The following NCR1 variants were observed in gnomAD, a reference collection of about 807,000 sequenced individuals.
NCR1 encodes natural cytotoxicity triggering receptor 1, also known as NK cell-activating receptor.
Under a neutral mutation model 32.5 loss-of-function variants are expected in NCR1, and 30 were observed. The observed-to-expected ratio is 0.92, with a 90% CI of 0.69 to 1.25. NCR1 has a LOEUF of 1.25. NCR1 is among the 50% of genes most tolerant of loss of function. NCR1 has a pLI of 0.00. For synonymous variants in NCR1, 169 were observed against 143.4 expected (o/e 1.18, Z -1.28); for missense variants, 369 against 380.7 (o/e 0.97, Z 0.26).
chr19:54,919,648 G>C (rs1398377739), downstream of NCR1, among the ~76,000 whole-genome samples: 3 of 151,464 alleles, frequency 2.0e-5, no homozygotes, highest in African/African-American at 4.8e-5. Flanking sequence ...GAGCCTGACT[G>C]ATGTCAGGCC....
At chr19:54,901,475 A>AG (rs2067301451), upstream of NCR1, among the ~76,000 whole-genome samples, 1 of 151,494 alleles carries the variant, frequency 6.6e-6, no homozygotes, top group African/African-American at 2.4e-5. Context: ...GAGTCTGTAG[A>AG]GGGGGGACAG....
At chr19:54,917,814 C>T (rs1171960631), downstream of NCR1, among the ~76,000 whole-genome samples, 2 of 152,168 alleles carry the variant, frequency 1.3e-5, no homozygotes, top group Non-Finnish European at 2.9e-5. Flanking sequence ...GGCAGCAGCA[C>T]CAAGGCTGAG....
At chr19:54,899,148 G>A in the NCR1 span, among the ~76,000 whole-genome samples, 2 of 152,086 alleles carry the variant, frequency 1.3e-5, no homozygotes, top group Non-Finnish European at 2.9e-5. Context: ...TGGATGTCAG[G>A]CACCTCAGAC....
chr19:54,926,137 C>T, the NCR1 span, among the ~76,000 whole-genome samples: 4 of 151,912 alleles, frequency 2.6e-5, no homozygotes, highest in South Asian at 4.2e-4. Flanking sequence ...ATCTGTAGGA[C>T]GATCTTCTGA....
At chr19:54,903,350 GCATATATACATA>G (rs1423953529), upstream of NCR1, among the ~76,000 whole-genome samples, 1 of 108,264 alleles carries the variant, frequency 9.2e-6, no homozygotes, top group Non-Finnish European at 1.8e-5. Flanking sequence ...ATACATATAT[GCATATATACATA>G]CATGTATATA....
chr19:54,906,242 G>A, intron 1 of NCR1, 21 bp downstream of exon 1: 3 of 1,614,200 alleles, frequency 1.9e-6, no homozygotes, highest in Non-Finnish European at 2.5e-6. Context: ...GCGTGGAAGG[G>A]GAATGGGATC....
chr19:54,909,567 T>G, intron 4 of NCR1, 44 bp downstream of exon 4: 1 of 1,568,052 alleles, frequency 6.4e-7, no homozygotes. Flanking sequence ...CGCCATGTGC[T>G]ACCTGGAGCC....
chr19:54,902,868 G>A (rs1487113954), upstream of NCR1, among the ~76,000 whole-genome samples: 5 of 151,844 alleles, frequency 3.3e-5, no homozygotes, highest in Admixed American at 6.6e-5. Context: ...GGTGGCTCAC[G>A]CCTGTAATCC....
intron 5 of NCR1, among the ~76,000 whole-genome samples, chr19:54,910,629 A>G (rs2067923529): frequency 6.6e-6 from 1 of 152,156 alleles, no homozygotes; most frequent in South Asian, 2.1e-4. Flanking sequence ...CATAGTATAC[A>G]CAGTGAACTA....
chr19:54,906,901 G>C, intron 3 of NCR1, 94 bp downstream of exon 3: 1 of 1,433,518 alleles, frequency 7.0e-7, no homozygotes, highest in Non-Finnish European at 9.5e-7. Context: ...CTCAGACACT[G>C]CTTGTCTCGG....
downstream of NCR1, chr19:54,916,128 T>C (rs1369549164): frequency 2.0e-5 from 3 of 151,910 alleles, no homozygotes; most frequent in Admixed American, 6.6e-5. Context: ...AATAAACTTA[T>C]GCCGCTTTGC....
the NCR1 span, chr19:54,936,162 G>T: frequency 1.9e-6 from 2 of 1,031,812 alleles, no homozygotes; most frequent in Non-Finnish European, 3.0e-6. Flanking sequence ...TTCCCTGTCT[G>T]GGACGGCATC....
chr19:54,926,512 G>T, the NCR1 span, among the ~76,000 whole-genome samples: 1 of 152,118 alleles, frequency 6.6e-6, no homozygotes, highest in Admixed American at 6.6e-5. Context: ...GAGCACAGTG[G>T]CTCACGCCTG....
upstream of NCR1, chr19:54,906,020 C>T (rs1418420585): frequency 3.8e-6 from 3 of 783,520 alleles, no homozygotes; most frequent in Non-Finnish European, 6.4e-6. Flanking sequence ...TCTGTAAGCT[C>T]ATGGTCAGAG....
the NCR1 span, among the ~76,000 whole-genome samples, chr19:54,937,016 A>G: frequency 3.9e-5 from 6 of 151,998 alleles, no homozygotes; most frequent in African/African-American, 1.4e-4. Context: ...CAGGAGATCA[A>G]GACCATCCTG....
downstream of NCR1, chr19:54,913,241 T>G: frequency 6.2e-6 from 1 of 160,108 alleles, no homozygotes; most frequent in Non-Finnish European, 1.4e-5. Flanking sequence ...GTATTTTTAG[T>G]GGAGACGGGG....
At chr19:54,931,018 G>T in the NCR1 span, among the ~76,000 whole-genome samples, 1 of 152,012 alleles carries the variant, frequency 6.6e-6, no homozygotes, top group African/African-American at 2.4e-5. Context: ...GCGAGACTCC[G>T]TCTCAAGAAA....
the NCR1 span, among the ~76,000 whole-genome samples, chr19:54,921,229 T>C: frequency 0.014 from 2,128 of 152,244 alleles, 98 homozygotes; most frequent in East Asian, 0.12. Context: ...ACTTCCTTTA[T>C]TCACGCTGTC....
At chr19:54,926,916 T>TA in the NCR1 span, among the ~76,000 whole-genome samples, 2,748 of 26,574 alleles carry the variant, frequency 0.1, 83 homozygotes, top group African/African-American at 0.21. Context: ...ACTCTGTCTT[T>TA]AAAAAAAAAA....
Sources: allele counts gnomAD v4.1 joint callset (sites outside exome capture counted in the v4.1 genomes callset), GRCh38; gene constraint gnomAD v4.1.1; transcripts MANE v1.5; gene names NCBI Gene and HGNC (gene_info 2026-07-23, HGNC 2026-07-21).